Variants in TBX19 observed in about 807,000 individuals in gnomAD.
TBX19 encodes T-box transcription factor TBX19.
Under a neutral mutation model 40.9 loss-of-function variants are expected in TBX19, and 33 were observed. The observed-to-expected ratio is 0.81, with a 90% confidence interval of 0.61 to 1.08. The LOEUF (loss-of-function observed/expected upper bound fraction) is 1.08. TBX19 is among the 50% of genes least tolerant of loss of function. The probability of loss-of-function intolerance (pLI) is 0.00; values close to 1 mark genes in which losing one functional copy is unlikely to be tolerated. For synonymous variants in TBX19, 220 were observed against 225.0 expected (o/e 0.98, Z 0.20); for missense variants, 494 against 574.0 (o/e 0.86, Z 1.42).
Position 168,292,531 on chromosome 1 carries a change from A to G in TBX19, c.469-613A>G, listed in dbSNP as rs7355069. Among the ~76,000 whole-genome samples, 1,272 of 152,304 alleles carry G rather than the reference A, an allele frequency of 8.4e-3. 14 individuals carry two copies. The highest frequency in any genetic ancestry group is 0.029 in the African/African-American group (1,205 of 41,550). On this transcript the variant is annotated intron_variant, in intron 2 of 7. Coordinates refer to ENST00000367821, the MANE Select transcript of TBX19 (RefSeq NM_005149.3). ...TGTGCTGAAAATAGGGGAAGGAAAAAAGGAAGCCAAGATTTTGGCAGAAAA... is the reference window on the plus strand; with the variant it reads ...TGTGCTGAAAATAGGGGAAGGAAAAGAGGAAGCCAAGATTTTGGCAGAAAA...
At position 168,309,855 on chromosome 1, in the gene TBX19, C is replaced by G. The variant is rs1204073713; in HGVS notation, c.1052+978C>G. Among the ~76,000 whole-genome samples, 4 of 152,152 alleles carry G rather than the reference C, an allele frequency of 2.6e-5. No homozygotes were observed. The East Asian group carries it at 7.7e-4, about 29-fold the overall frequency. On this transcript the variant is annotated intron_variant, in intron 7 of 7. Coordinates refer to ENST00000367821, the MANE Select transcript of TBX19 (RefSeq NM_005149.3). ...ATCGGTATCATGGAAATAATATGAC[C>G]TACTTTGCAGAGTTACTGTGAGCAT...
In TBX19 at chr1:168,281,162, G is replaced by C. The variant is rs1475575376; in HGVS notation, c.72G>C (p.Glu24Asp). ...GTVSHLLNVV[E>D]SELQAGREKG... ...TTTCTCATCTGCTCAATGTGGTGGA[G>C]AGTGAGCTTCAGGCAGGGAGGGAAA... Residue 24 changes from glutamate to aspartate, a missense_variant, in exon 1 of 8, where the codon GAG becomes GAC. Around this residue, in one of 3 missense-constraint regions of TBX19, gnomAD observed 201 missense variants for 235.2 expected, o/e 0.85. Transcript: ENST00000367821. 1 of 1,614,056 alleles carries C rather than the reference G, an allele frequency of 6.2e-7. No homozygotes were observed. The highest frequency in any genetic ancestry group is 1.3e-5 in the African/African-American group (1 of 74,944).
At chr1:168,309,877 G>A (rs1207441475) in intron 7 of TBX19, among the ~76,000 whole-genome samples, 5 of 152,142 alleles carry the variant, frequency 3.3e-5, no homozygotes, top group African/African-American at 1.2e-4. Context: ...GTTACTGTGA[G>A]CATCAAATGC....
rs1225834621 is a variant in TBX19 at position 168,281,299 on chromosome 1, T to C, written c.203+6T>C. On this transcript the variant is annotated splice_donor_region_variant and intron_variant, in intron 1 of 7. Transcript: ENST00000367821. ...ATTGTGACCAAGAATGGCAGGTGAGTTTATCTGCCGCCCCGCGTGGGCTGG... is the reference window on the plus strand; with the variant it reads ...ATTGTGACCAAGAATGGCAGGTGAGCTTATCTGCCGCCCCGCGTGGGCTGG... The C allele has an allele frequency of 6.2e-7, 1 of 1,613,654 alleles. No homozygotes were observed. The highest frequency in any genetic ancestry group is 1.7e-5 in the Admixed American group (1 of 60,004).
chr1:168,300,898 G>A (rs1035343092), intron 5 of TBX19, among the ~76,000 whole-genome samples: 2 of 152,210 alleles, frequency 1.3e-5, no homozygotes, highest in Non-Finnish European at 2.9e-5. Flanking sequence ...CATGCAGGCT[G>A]TAGCCTCCAT....
intron 1 of TBX19, among the ~76,000 whole-genome samples, chr1:168,285,779 GA>G (rs1400247243): frequency 1.3e-5 from 2 of 152,190 alleles, no homozygotes; most frequent in East Asian, 3.8e-4. Context: ...AAAAAATGGG[GA>G]AAAAAATCAC....
At chr1:168,281,762 G>A (rs1264275614) in intron 1 of TBX19, among the ~76,000 whole-genome samples, 4 of 152,206 alleles carry the variant, frequency 2.6e-5, no homozygotes, top group Non-Finnish European at 5.9e-5. Context: ...AAGGGCAAAT[G>A]TAAACTCATT....
At chr1:168,295,663 C>G (rs534278862) in intron 3 of TBX19, among the ~76,000 whole-genome samples, 65 of 152,296 alleles carry the variant, frequency 4.3e-4, no homozygotes, top group African/African-American at 1.2e-3. Flanking sequence ...TAAAGTAATT[C>G]CATTTTGCAG....
At chr1:168,304,735 A>G (rs1649359302) in intron 5 of TBX19, among the ~76,000 whole-genome samples, 1 of 152,232 alleles carries the variant, frequency 6.6e-6, no homozygotes, top group Non-Finnish European at 1.5e-5. Flanking sequence ...GGTAGATCAG[A>G]AGTCTTCAAC....
At chr1:168,282,558 A>G (rs1329893138) in intron 1 of TBX19, among the ~76,000 whole-genome samples, 3 of 152,190 alleles carry the variant, frequency 2.0e-5, no homozygotes, top group African/African-American at 7.2e-5. Flanking sequence ...ATTGCTTTTA[A>G]TATTGTTACT....
chr1:168,294,003 G>T (rs1342174551), intron 3 of TBX19, among the ~76,000 whole-genome samples: 1 of 152,170 alleles, frequency 6.6e-6, no homozygotes, highest in East Asian at 1.9e-4. Context: ...ACAGGGTAAA[G>T]CTATACGGGT....
chr1:168,298,989 C>G (rs1336791870), intron 4 of TBX19, among the ~76,000 whole-genome samples: 1 of 147,356 alleles, frequency 6.8e-6, no homozygotes, highest in Non-Finnish European at 1.5e-5. Context: ...TCTTGGCTCA[C>G]TGCAACTTCT....
intron 1 of TBX19, among the ~76,000 whole-genome samples, chr1:168,289,601 A>G (rs751276119): frequency 3.9e-5 from 6 of 152,206 alleles, no homozygotes; most frequent in Admixed American, 6.5e-5. Context: ...CCTCCCATTT[A>G]AATTAATTTT....
At chr1:168,303,875 C>A (rs1043581057) in intron 5 of TBX19, among the ~76,000 whole-genome samples, 1 of 152,080 alleles carries the variant, frequency 6.6e-6, no homozygotes, top group African/African-American at 2.4e-5. Context: ...CATTATGATT[C>A]GCATATAACT....
chr1:168,303,380 T>G (rs527763957), intron 5 of TBX19, among the ~76,000 whole-genome samples: 20 of 152,350 alleles, frequency 1.3e-4, no homozygotes, highest in Admixed American at 5.9e-4. Flanking sequence ...CTCATCGTAT[T>G]TCATATTGCT....
chr1:168,310,097 T>C (rs1362849846), intron 7 of TBX19, among the ~76,000 whole-genome samples: 1 of 151,786 alleles, frequency 6.6e-6, no homozygotes, highest in Admixed American at 6.6e-5. Context: ...AAGTCAGGAG[T>C]TTGAAACCAG....
chr1:168,294,490 C>G (rs747927294), intron 3 of TBX19, among the ~76,000 whole-genome samples: 1 of 151,462 alleles, frequency 6.6e-6, no homozygotes, highest in Non-Finnish European at 1.5e-5. Context: ...CCTGCCACCA[C>G]GCCTGGCTAA....
chr1:168,299,740 C>CTT (rs1649229429), intron 4 of TBX19, among the ~76,000 whole-genome samples: 1 of 152,138 alleles, frequency 6.6e-6, no homozygotes, highest in South Asian at 2.1e-4. Context: ...TCCTTAGTTG[C>CTT]TGAGATTGCA....
intron 5 of TBX19, 124 bp downstream of exon 5, chr1:168,300,607 GT>G: frequency 1.1e-6 from 1 of 905,282 alleles, no homozygotes; most frequent in Non-Finnish European, 1.8e-6. Context: ...CCAACACACA[GT>G]TTATTCTATT....
Sources: allele counts gnomAD v4.1 joint callset (sites outside exome capture counted in the v4.1 genomes callset), GRCh38; gene constraint gnomAD v4.1.1; regional missense constraint gnomAD v4.1.1; transcripts MANE v1.5; gene names NCBI Gene and HGNC (gene_info 2026-07-23, HGNC 2026-07-21).